CMIP: variants seen among roughly 807,000 people sequenced by gnomAD.
The protein encoded by CMIP is C-Maf-inducing protein.
A neutral mutation model predicts 97.3 loss-of-function variants in CMIP; 13 were observed. The observed-to-expected ratio is 0.13, with a 90% CI of 0.09 to 0.21. The LOEUF (loss-of-function observed/expected upper bound fraction) is 0.21. Among genes scored for constraint, CMIP ranks in the 10% least tolerant of loss-of-function variants. The probability of loss-of-function intolerance (pLI) is 1.00; values close to 1 mark genes in which losing one functional copy is unlikely to be tolerated. For missense variants in CMIP, 847 were observed against 1,024.9 expected, an observed-to-expected ratio of 0.83 and a Z score of 2.37; for synonymous variants, 538 against 436.3, an observed-to-expected ratio of 1.23 and a Z score of -2.91.
intron 3 of CMIP, among the ~76,000 whole-genome samples, chr16:81,628,929 A>G (rs1431811691): frequency 6.6e-6 from 1 of 151,926 alleles, no homozygotes; most frequent in Non-Finnish European, 1.5e-5. Flanking sequence ...TGAGGTCAGG[A>G]GTTCGAGACC....
intron 1 of CMIP, among the ~76,000 whole-genome samples, chr16:81,565,673 G>GTT (rs2090967420): frequency 6.6e-6 from 1 of 152,170 alleles, no homozygotes; most frequent in African/African-American, 2.4e-5. Context: ...ATGGCAGCGG[G>GTT]GCAGGGGAGA....
At chr16:81,486,044 C>A (rs1226343783) in intron 1 of CMIP, among the ~76,000 whole-genome samples, 1 of 152,254 alleles carries the variant, frequency 6.6e-6, no homozygotes, top group Admixed American at 6.5e-5. Flanking sequence ...GGCACCCGGC[C>A]TGACAGGCAG....
intron 1 of CMIP, among the ~76,000 whole-genome samples, chr16:81,572,666 C>T (rs955010577): frequency 3.9e-5 from 6 of 152,174 alleles, no homozygotes; most frequent in African/African-American, 1.4e-4. Context: ...GTCTCAAATC[C>T]CGTTGAGTCT....
chr16:81,689,476 A>C (rs1209267348), intron 10 of CMIP, among the ~76,000 whole-genome samples: 1 of 152,208 alleles, frequency 6.6e-6, no homozygotes, highest in Non-Finnish European at 1.5e-5. Flanking sequence ...GTGTCTGTTC[A>C]TATCCTTCGC....
Position 81,480,798 on chromosome 16 carries a change from C to G in CMIP, c.300+35257C>G, listed in dbSNP as rs1311376802. Among the ~76,000 whole-genome samples the G allele has an allele frequency of 2.0e-5, 3 of 152,194 alleles. No individual in the cohort carries two copies. In the East Asian group the frequency reaches 5.8e-4, roughly 29 times the overall value. On this transcript the variant is annotated intron_variant, in intron 1 of 20. Coordinates refer to ENST00000537098, the MANE Select transcript of CMIP (RefSeq NM_198390.3). ...GACTGTTATGATGACATCAGTTTCC[C>G]CAACATTGTTGGGAAAGGACGGGGG...
At chr16:81,657,129 A>C (rs75854836) in intron 4 of CMIP, among the ~76,000 whole-genome samples, 5 of 152,316 alleles carry the variant, frequency 3.3e-5, no homozygotes, top group South Asian at 4.1e-4. Context: ...ACAGTTACCA[A>C]TTATTTAAGA....
intron 1 of CMIP, among the ~76,000 whole-genome samples, chr16:81,595,387 CTTT>C (rs747169672): frequency 2.2e-5 from 3 of 137,672 alleles, no homozygotes; most frequent in African/African-American, 2.7e-5. Context: ...TTCCTTCTTT[CTTT>C]TTTTTTTTTT....
rs563524280 is a variant in CMIP, at chr16:81,590,473, C to T, written c.301-17094C>T. Among the ~76,000 whole-genome samples, 37 of 152,308 alleles carry T rather than the reference C, an allele frequency of 2.4e-4. No homozygotes were observed. In the South Asian group the frequency reaches 7.5e-3, roughly 31 times the overall value. ...ACTTCTGGATCATGTCCAGCAGCCT[C>T]GCTTCCCCAAGTGGATGTGGGTGTC... On this transcript the variant is annotated intron_variant, in intron 1 of 20. Transcript: ENST00000537098.
intron 1 of CMIP, among the ~76,000 whole-genome samples, chr16:81,512,401 CCAGCAAT>C (rs1263409654): frequency 1.3e-5 from 2 of 152,186 alleles, no homozygotes; most frequent in Non-Finnish European, 2.9e-5. Context: ...CCAGTGGGCA[CCAGCAAT>C]CACTGCTCAG....
intron 1 of CMIP, among the ~76,000 whole-genome samples, chr16:81,554,415 A>G (rs2090720679): frequency 1.3e-5 from 2 of 152,214 alleles, no homozygotes; most frequent in South Asian, 4.1e-4. Flanking sequence ...CCGTTCTGCT[A>G]CTTCTCAGAA....
At chr16:81,577,653 T>C (rs2091219012) in intron 1 of CMIP, among the ~76,000 whole-genome samples, 1 of 150,152 alleles carries the variant, frequency 6.7e-6, no homozygotes, top group Non-Finnish European at 1.5e-5. Flanking sequence ...ACCATCACCT[T>C]CATCACCACC....
intron 4 of CMIP, among the ~76,000 whole-genome samples, chr16:81,653,995 G>T (rs949006403): frequency 2.0e-5 from 3 of 152,166 alleles, no homozygotes; most frequent in South Asian, 2.1e-4. Context: ...AACTCACGTG[G>T]CAAGTTTGTA....
At chr16:81,525,801 C>G (rs2090120061) in intron 1 of CMIP, among the ~76,000 whole-genome samples, 2 of 152,218 alleles carry the variant, frequency 1.3e-5, no homozygotes, top group Non-Finnish European at 2.9e-5. Context: ...CTGGCAATCA[C>G]TTTTCTGCTT....
intron 2 of CMIP, among the ~76,000 whole-genome samples, chr16:81,615,082 G>A (rs2091892704): frequency 6.7e-6 from 1 of 148,956 alleles, no homozygotes; most frequent in Non-Finnish European, 1.5e-5. Context: ...TGTGTGGTAT[G>A]TCTTTGTGTG....
intron 1 of CMIP, chr16:81,518,362 A>T (rs1401120869): frequency 2.6e-5 from 4 of 152,202 alleles, no homozygotes; most frequent in Non-Finnish European, 5.9e-5. Context: ...AACAGTGGCC[A>T]CCACTTCATG....
chr16:81,487,525 C>T (rs941904356), intron 1 of CMIP, among the ~76,000 whole-genome samples: 6 of 152,162 alleles, frequency 3.9e-5, no homozygotes, highest in East Asian at 3.9e-4. Context: ...GCATGGCCCG[C>T]GTGGCTTCCA....
At chr16:81,491,145 G>A (rs2089399586) in intron 1 of CMIP, among the ~76,000 whole-genome samples, 2 of 152,186 alleles carry the variant, frequency 1.3e-5, no homozygotes, top group African/African-American at 4.8e-5. Context: ...CATTACCCTT[G>A]CAGGCATTAT....
intron 1 of CMIP, among the ~76,000 whole-genome samples, chr16:81,497,469 C>T (rs958099373): frequency 2.0e-5 from 3 of 152,162 alleles, no homozygotes; most frequent in Admixed American, 1.3e-4. Flanking sequence ...ACCCCCGAAC[C>T]CAGCTGGTGG....
intron 1 of CMIP, among the ~76,000 whole-genome samples, chr16:81,451,080 G>T (rs1906179846): frequency 6.6e-6 from 1 of 152,150 alleles, no homozygotes; most frequent in Non-Finnish European, 1.5e-5. Flanking sequence ...CCTGTTGATG[G>T]GCATTGAGGT....
Sources: allele counts gnomAD v4.1 joint callset (sites outside exome capture counted in the v4.1 genomes callset), GRCh38; gene constraint gnomAD v4.1.1; transcripts MANE v1.5; gene names NCBI Gene and HGNC (gene_info 2026-07-23, HGNC 2026-07-21).